Variants in DENR observed in about 807,000 individuals in gnomAD.
DENR encodes the protein density regulated re-initiation and release factor, also known as density-regulated protein.
DENR carries 6 observed loss-of-function variants against 30.6 expected under a neutral mutation model. The ratio of observed to expected loss-of-function variants is 0.20; its 90% CI spans 0.11 to 0.39. DENR has a LOEUF of 0.39. Ranked by LOEUF, DENR falls within the 10% of genes least tolerant of loss-of-function variation. The pLI, the probability that DENR is intolerant of heterozygous loss-of-function variation, is 1.00. For synonymous variants in DENR, 78 were observed against 72.1 expected (o/e 1.08, Z -0.41); for missense variants, 141 against 230.9 (o/e 0.61, Z 2.52).
At position 122,770,654 on chromosome 12, in the gene DENR, A is replaced by G. The variant is rs1879012437; in HGVS notation, c.*1576A>G. On this transcript the variant is annotated 3_prime_UTR_variant, in exon 8 of 8. Transcript: ENST00000280557. ...AGTCAGGTGCTGCAAATTGGAAAGA[A>G]GACTTGTGGTGTTTTAAGTTGCTGT... 2.5e-6 allele frequency: 1 copy of G among 398,428 alleles called. No individual in the cohort carries two copies. Among genetic ancestry groups the G allele is most frequent in the Non-Finnish European group, 4.4e-6 (1 of 226,056 alleles). 24.7% of individuals were successfully genotyped at this position (398,428 alleles called of 1,614,324 possible). A position where few individuals can be genotyped will look rare whatever the true frequency, so the allele number is the denominator to read the frequency against.
At chr12:122,756,558 A>C (rs1048381199) in intron 2 of DENR, among the ~76,000 whole-genome samples, 1 of 152,246 alleles carries the variant, frequency 6.6e-6, no homozygotes, top group African/African-American at 2.4e-5. Flanking sequence ...AGAGGCAACC[A>C]CAGCCAAATG....
intron 5 of DENR, 31 bp from the exon 6 acceptor site, chr12:122,767,457 C>A: frequency 7.3e-7 from 1 of 1,373,146 alleles, no homozygotes; most frequent in Non-Finnish European, 9.8e-7. Flanking sequence ...TCAAAAACAA[C>A]TAAAGCTAAG....
At chr12:122,758,337 T>G (rs1331732596) in intron 2 of DENR, among the ~76,000 whole-genome samples, 1 of 152,158 alleles carries the variant, frequency 6.6e-6, no homozygotes, top group African/African-American at 2.4e-5. Flanking sequence ...CCCAAAGTGT[T>G]GGGATTACAG....
rs1279114494 is a variant in DENR, at chr12:122,768,938, CAT to C, written c.552+19_552+20del. The C allele has an allele frequency of 6.2e-7, 1 of 1,607,578 alleles. No individual in the cohort carries two copies. Among genetic ancestry groups the C allele is most frequent in the South Asian group, 1.1e-5 (1 of 89,706 alleles). On this transcript the variant is annotated intron_variant, in intron 7 of 7. Transcript: ENST00000280557. ...TGGCCAGAGGTGAGTGCATGGAACA[CAT>C]ACATCGCTAGAGATAAGTTTTTAAA...
At chr12:122,753,894 C>T (rs1429024495) in intron 2 of DENR, 87 bp downstream of exon 2, 1 of 1,112,550 alleles carries the variant, frequency 9.0e-7, no homozygotes, top group Non-Finnish European at 1.3e-6. Context: ...AGCTTTCTTC[C>T]CCATCCTTTT....
At chr12:122,767,399 C>T in intron 5 of DENR, 89 bp from the exon 6 acceptor site, 2 of 850,626 alleles carry the variant, frequency 2.4e-6, no homozygotes, top group Non-Finnish European at 3.5e-6. Flanking sequence ...GAAAAAGAAA[C>T]TTAAACCTTT....
At chr12:122,757,894 C>A (rs1338462280) in intron 2 of DENR, among the ~76,000 whole-genome samples, 2 of 152,128 alleles carry the variant, frequency 1.3e-5, no homozygotes, top group Admixed American at 6.5e-5. Context: ...TTATTTTAAT[C>A]TTTTCCACCC....
At position 122,767,620 on chromosome 12, in the gene DENR, A is replaced by C; in HGVS notation, c.412+16A>C. On this transcript the variant is annotated intron_variant, in intron 6 of 7. Transcript: ENST00000280557. ...GCAACTTTTGGTGAGTTCAGGCTTA[A>C]GTATATTTAAAATGTGTGAACTATT... 7.0e-7 allele frequency: 1 copy of C among 1,425,100 alleles called. No individual in the cohort carries two copies. The highest frequency in any genetic ancestry group is 1.3e-5 in the South Asian group (1 of 75,918). The allele number at this position is 1,425,100 out of a possible 1,614,324, so 88.3% of individuals were successfully genotyped here.
At position 122,769,491 on chromosome 12, in the gene DENR, A is replaced by G. The variant is rs868791199; in HGVS notation, c.*413A>G. On this transcript the variant is annotated 3_prime_UTR_variant, in exon 8 of 8. Coordinates refer to ENST00000280557, the MANE Select transcript of DENR (RefSeq NM_003677.5). ...AAAAAATTTTGGTCATTTGGTACTG[A>G]CTTTCTCTCTCTCTCTCTCTCTCTT... 1.0e-6 allele frequency: 1 copy of G among 972,684 alleles called. No homozygotes were observed. The highest frequency in any genetic ancestry group is 5.3e-4 in the Middle Eastern group (1 of 1,902). The allele number at this position is 972,684 out of a possible 1,614,324, so 60.3% of individuals were successfully genotyped here.
intron 4 of DENR, among the ~76,000 whole-genome samples, chr12:122,763,558 G>A (rs752287678): frequency 4.0e-5 from 6 of 151,660 alleles, no homozygotes; most frequent in Admixed American, 6.6e-5. Context: ...ATACAAAGCT[G>A]GGCGTGGTGG....
chr12:122,760,385 G>A (rs547280450), intron 2 of DENR, among the ~76,000 whole-genome samples: 35 of 152,244 alleles, frequency 2.3e-4, no homozygotes, highest in African/African-American at 8.2e-4. Flanking sequence ...TCCTCTCCCT[G>A]AGAAATCTCA....
At chr12:122,762,410 C>G (rs570551473) in intron 3 of DENR, among the ~76,000 whole-genome samples, 23 of 152,192 alleles carry the variant, frequency 1.5e-4, no homozygotes, top group African/African-American at 5.5e-4. Flanking sequence ...ACATGTGCAT[C>G]TTTTGCACAT....
chr12:122,758,526 C>A (rs1878610193), intron 2 of DENR, among the ~76,000 whole-genome samples: 1 of 152,108 alleles, frequency 6.6e-6, no homozygotes, highest in Admixed American at 6.5e-5. Context: ...CTCATTTGGC[C>A]AGGCACAGTG....
At chr12:122,754,172 A>G (rs1159018637) in intron 2 of DENR, 4 of 285,184 alleles carry the variant, frequency 1.4e-5, no homozygotes, top group African/African-American at 4.3e-5. Flanking sequence ...CGTCCCAGAC[A>G]AAGCGCACGA....
Position 122,769,130 on chromosome 12 carries a change from A to C in DENR, c.*52A>C. ...GCCTGAACTGAGAGTTGATATGGCC[A>C]AAGGGAGAGAGGCCTTTTAAAATAT... On this transcript the variant is annotated 3_prime_UTR_variant, in exon 8 of 8. Coordinates refer to ENST00000280557, the MANE Select transcript of DENR (RefSeq NM_003677.5). 6.4e-7 allele frequency: 1 copy of C among 1,556,492 alleles called. No individual in the cohort carries two copies. The highest frequency in any genetic ancestry group is 1.3e-5 in the South Asian group (1 of 79,210).
Position 122,768,930 on chromosome 12 carries a change from A to T in DENR, c.552+9A>T, listed in dbSNP as rs779570993. On this transcript the variant is annotated intron_variant, in intron 7 of 7. Transcript: ENST00000280557. ...AGGAAAAATGGCCAGAGGTGAGTGC[A>T]TGGAACACATACATCGCTAGAGATA... 1 of 1,610,614 alleles carries T rather than the reference A, an allele frequency of 6.2e-7. No individual in the cohort carries two copies. The highest frequency in any genetic ancestry group is 1.7e-5 in the Admixed American group (1 of 59,634).
At position 122,770,150 on chromosome 12, in the gene DENR, C is replaced by T. The variant is rs1487449313; in HGVS notation, c.*1072C>T. ...AAACCATGTATGTGCGCTGTTTGAA[C>T]CCGTAAGCCACTTCTTTGACATTAG... On this transcript the variant is annotated 3_prime_UTR_variant, in exon 8 of 8. Transcript: ENST00000280557. The T allele has an allele frequency of 6.5e-6, 1 of 152,842 alleles. No individual in the cohort carries two copies. 9.5% of individuals were successfully genotyped at this position (152,842 alleles called of 1,614,324 possible).
rs1280303703 is a variant in DENR, at chr12:122,769,962, T to G, written c.*884T>G. ...CTCACCAGTAATATGTCTCCTTGCT[T>G]CTTTGATGTGATAGTTTTGAGATGG... On this transcript the variant is annotated 3_prime_UTR_variant, in exon 8 of 8. Transcript: ENST00000280557. The G allele has an allele frequency of 6.6e-6, 1 of 152,640 alleles. No individual in the cohort carries two copies. Among genetic ancestry groups the G allele is most frequent in the Non-Finnish European group, 1.5e-5 (1 of 68,046 alleles). The allele number at this position is 152,640 out of a possible 1,614,324, so 9.5% of individuals were successfully genotyped here.
At chr12:122,765,245 C>T (rs1878816678) in intron 4 of DENR, 59 bp from the exon 5 acceptor site, 3 of 1,378,804 alleles carry the variant, frequency 2.2e-6, no homozygotes, top group Admixed American at 2.3e-5. Flanking sequence ...AAGGTGATTT[C>T]TTTTTTTTTA....
Sources: gnomAD v4.1 joint callset for allele counts (sites outside exome capture counted in the v4.1 genomes callset) on GRCh38, gnomAD v4.1.1 for gene constraint, MANE v1.5 for transcripts, NCBI Gene and HGNC (gene_info 2026-07-23, HGNC 2026-07-21) for gene names.